Variants in PARVB observed in about 807,000 individuals in gnomAD.
PARVB encodes parvin beta.
PARVB carries 46 observed loss-of-function variants against 47.0 expected under a neutral mutation model. The observed-to-expected ratio is 0.98, with a 90% CI of 0.77 to 1.25. PARVB has a LOEUF of 1.25. Ranked by LOEUF, PARVB falls within the 50% of genes most tolerant of loss-of-function variation. PARVB has a pLI of 0.00. For missense variants in PARVB, 473 were observed against 471.6 expected (o/e 1.00, Z -0.03); for synonymous variants, 196 against 196.3 (o/e 1.00, Z 0.01).
chr22:44,011,838 A>G (rs953073648), intron 2 of PARVB, among the ~76,000 whole-genome samples: 25 of 152,038 alleles, frequency 1.6e-4, no homozygotes, highest in Non-Finnish European at 3.5e-4. Context: ...TACCCCCGTC[A>G]TCATTCTCTC....
chr22:44,126,152 G>A (rs1457258353), intron 4 of PARVB, among the ~76,000 whole-genome samples: 1 of 152,150 alleles, frequency 6.6e-6, no homozygotes, highest in Non-Finnish European at 1.5e-5. Context: ...GCACTGAGCT[G>A]ATGTTTAGCA....
rs755866931 is a variant in PARVB, at chr22:44,140,160, A to G, written c.712+17A>G. 1.3e-6 allele frequency: 2 copies of G among 1,555,308 alleles called. No homozygotes were observed. The highest frequency in any genetic ancestry group is 1.7e-6 in the Non-Finnish European group (2 of 1,150,770). ...GCCGGTTCGGTAAGTAACCCCAGGGAAAGTGGGGAGATGGAGGCATGTTAG... is the reference window on the plus strand; with the variant it reads ...GCCGGTTCGGTAAGTAACCCCAGGGGAAGTGGGGAGATGGAGGCATGTTAG... On this transcript the variant is annotated intron_variant, in intron 8 of 12. Transcript: ENST00000338758.
At chr22:44,088,333 A>G (rs2052081605) in intron 1 of PARVB, among the ~76,000 whole-genome samples, 1 of 152,108 alleles carries the variant, frequency 6.6e-6, no homozygotes, top group African/African-American at 2.4e-5. Flanking sequence ...CAGTAAGATG[A>G]GGTTGAAGAT....
At chr22:44,064,266 C>A (rs1261280010) in intron 1 of PARVB, among the ~76,000 whole-genome samples, 1 of 152,214 alleles carries the variant, frequency 6.6e-6, no homozygotes, top group East Asian at 1.9e-4. Flanking sequence ...GAAGCGTGGC[C>A]GTGGGGCCTT....
intron 1 of PARVB, among the ~76,000 whole-genome samples, chr22:44,048,433 G>A (rs1042278863): frequency 2.0e-5 from 3 of 151,632 alleles, no homozygotes; most frequent in African/African-American, 7.3e-5. Flanking sequence ...GTGCAGTGGC[G>A]TGATCTCGGC....
chr22:44,050,052 T>C (rs1329446678), intron 1 of PARVB, among the ~76,000 whole-genome samples: 1 of 152,208 alleles, frequency 6.6e-6, no homozygotes, highest in Admixed American at 6.5e-5. Flanking sequence ...TAGGGAGGGT[T>C]GCCCCAGCCG....
At chr22:44,066,804 C>CCTCTTCCTCCTCCTCCTT (rs2051540239) in intron 1 of PARVB, among the ~76,000 whole-genome samples, 1 of 131,086 alleles carries the variant, frequency 7.6e-6, no homozygotes, top group Non-Finnish European at 1.6e-5. Flanking sequence ...TCCTCCTCCT[C>CCTCTTCCTCCTCCTCCTT]CTCCTCCTCC....
At chr22:44,013,187 C>T (rs570593524) in intron 2 of PARVB, among the ~76,000 whole-genome samples, 8 of 152,228 alleles carry the variant, frequency 5.3e-5, no homozygotes, top group Admixed American at 2.6e-4. Context: ...CGTGAGTCAC[C>T]GTGCCTGACC....
chr22:44,042,029 C>T (rs2051028074), intron 1 of PARVB, among the ~76,000 whole-genome samples: 1 of 152,168 alleles, frequency 6.6e-6, no homozygotes, highest in South Asian at 2.1e-4. Flanking sequence ...GAGAAGAGGC[C>T]TGGGAAGAGA....
intron 5 of PARVB, 59 bp downstream of exon 5, chr22:44,131,686 C>T (rs1405724460): frequency 1.5e-5 from 23 of 1,515,190 alleles, no homozygotes; most frequent in South Asian, 5.2e-5. Flanking sequence ...TCTCGACATT[C>T]GTCATCCACA....
At chr22:44,023,566 AT>A (rs1177471557), upstream of PARVB, among the ~76,000 whole-genome samples, 17 of 147,040 alleles carry the variant, frequency 1.2e-4, no homozygotes, top group Non-Finnish European at 1.9e-4. Context: ...ATAAAATAAA[AT>A]AAAATAAAAT....
chr22:44,004,133 G>GA (rs1453379169), intron 2 of PARVB, among the ~76,000 whole-genome samples: 2 of 152,200 alleles, frequency 1.3e-5, no homozygotes, highest in East Asian at 3.9e-4. Flanking sequence ...GCTTGAGTGA[G>GA]AAAAAAACAA....
intron 1 of PARVB, among the ~76,000 whole-genome samples, chr22:44,085,631 C>A (rs2052006743): frequency 1.3e-5 from 2 of 152,234 alleles, no homozygotes; most frequent in East Asian, 3.8e-4. Context: ...TTTAAAAAAT[C>A]TCAACACCAT....
chr22:44,157,942 C>G (rs1247694928), intron 10 of PARVB, 40 bp from the exon 11 acceptor site: 1 of 1,480,924 alleles, frequency 6.8e-7, no homozygotes, highest in South Asian at 1.1e-5. Context: ...TTTGCCAACT[C>G]CTTACCCTGC....
intron 3 of PARVB, among the ~76,000 whole-genome samples, chr22:44,101,417 T>G (rs9680557): frequency 7.4e-6 from 1 of 134,926 alleles, no homozygotes; most frequent in African/African-American, 3.1e-5. Flanking sequence ...CAAAAAAAAA[T>G]AAAAAATAAA....
At chr22:44,011,475 G>A (rs766906290) in intron 2 of PARVB, among the ~76,000 whole-genome samples, 1 of 152,062 alleles carries the variant, frequency 6.6e-6, no homozygotes, top group Non-Finnish European at 1.5e-5. Flanking sequence ...GCCAGGCGTG[G>A]TGGTGCATGC....
chr22:44,045,732 C>CATACTGAA (rs2051101475), intron 1 of PARVB, among the ~76,000 whole-genome samples: 1 of 152,200 alleles, frequency 6.6e-6, no homozygotes, highest in Admixed American at 6.6e-5. Context: ...AGTTGATCAT[C>CATACTGAA]AATGTATGGA....
At chr22:44,006,884 A>T (rs1325541716) in intron 2 of PARVB, among the ~76,000 whole-genome samples, 2 of 152,106 alleles carry the variant, frequency 1.3e-5, no homozygotes, top group African/African-American at 4.8e-5. Flanking sequence ...ATTTCCTTCT[A>T]TTTGTGTGCA....
chr22:44,170,856 A>T lies in PARVB; in HGVS notation c.*2178A>T, dbSNP rs550493059. The T allele has an allele frequency of 1.3e-5, 2 of 152,342 alleles. No homozygotes were observed. The highest frequency in any genetic ancestry group is 4.8e-5 in the African/African-American group (2 of 41,570). 9.4% of individuals were successfully genotyped at this position (152,342 alleles called of 1,614,324 possible). A position where few individuals can be genotyped will look rare whatever the true frequency, so the allele number is the denominator to read the frequency against. On this transcript the variant is annotated 3_prime_UTR_variant, in exon 13 of 13. Transcript: ENST00000338758. ...GATCAGAGCTTTGGAGTAAGTTTTG[A>T]TATGAAATCGAATGCCAACACCGAA...
Sources: allele counts gnomAD v4.1 joint callset (sites outside exome capture counted in the v4.1 genomes callset), GRCh38; gene constraint gnomAD v4.1.1; transcripts MANE v1.5; gene names NCBI Gene and HGNC (gene_info 2026-07-23, HGNC 2026-07-21).